The following MICAL3 variants were observed in gnomAD, a reference collection of about 807,000 sequenced individuals.
MICAL3 encodes the protein [F-actin]-monooxygenase MICAL3.
In MICAL3, 62 loss-of-function variants were observed where a neutral mutation model predicts 207.4. The observed-to-expected ratio is 0.30, with a 90% CI of 0.24 to 0.37. MICAL3 has a LOEUF of 0.37. Ranked by LOEUF, MICAL3 falls within the 10% of genes least tolerant of loss-of-function variation. The probability of loss-of-function intolerance (pLI) is 1.00; values close to 1 mark genes in which losing one functional copy is unlikely to be tolerated. For synonymous variants in MICAL3, 1,077 were observed against 1,069.3 expected (o/e 1.01, Z -0.14); for missense variants, 2,368 against 2,635.6 (o/e 0.90, Z 2.22).
chr22:17,806,925 C>T (rs926532781), intron 29 of MICAL3, among the ~76,000 whole-genome samples: 8 of 152,188 alleles, frequency 5.3e-5, no homozygotes, highest in Non-Finnish European at 8.8e-5. Flanking sequence ...TAACAGGGCC[C>T]GTGACAGGGG....
chr22:17,831,385 C>G (rs1242463934), intron 21 of MICAL3, among the ~76,000 whole-genome samples: 2 of 152,176 alleles, frequency 1.3e-5, no homozygotes, highest in Non-Finnish European at 2.9e-5. Flanking sequence ...CTTCAGGACA[C>G]TGTCCCCAAA....
chr22:17,793,473 G>C lies in MICAL3; in HGVS notation c.5651-2172C>G, dbSNP rs550904067. On this transcript the variant is annotated intron_variant, in intron 29 of 31. Coordinates refer to ENST00000441493, the MANE Select transcript of MICAL3 (RefSeq NM_015241.3). This position sits in a 1 kb window ranked among gnomAD's most constrained non-coding sequence, Gnocchi z 4.1. ...TTAAAGCCCCAGCCACGAAGGGCCA[G>C]CCAATGCTGCAGCCCTGAAGGACCC... Among the ~76,000 whole-genome samples the C allele has an allele frequency of 3.9e-5, 6 of 152,330 alleles. No individual in the cohort carries two copies. The South Asian group carries it at 1.2e-3, about 32-fold the overall frequency.
intron 1 of MICAL3, among the ~76,000 whole-genome samples, chr22:18,009,253 C>T (rs1923584816): frequency 6.9e-6 from 1 of 145,086 alleles, no homozygotes. Context: ...TCTTGAAAGT[C>T]TCTGGGAAAC....
chr22:17,936,189 A>G (rs538141166), intron 1 of MICAL3, among the ~76,000 whole-genome samples: 3 of 152,342 alleles, frequency 2.0e-5, no homozygotes, highest in South Asian at 4.1e-4. Context: ...ATGTCCATCA[A>G]TTATAGACTG....
intron 1 of MICAL3, among the ~76,000 whole-genome samples, chr22:17,970,277 T>C (rs1935342365): frequency 6.7e-6 from 1 of 149,114 alleles, no homozygotes; most frequent in Non-Finnish European, 1.5e-5. Context: ...GTTCTAAATC[T>C]GCCATTCCGT....
At chr22:17,797,022 CAAG>C (rs1445720861) in intron 29 of MICAL3, among the ~76,000 whole-genome samples, 1 of 152,122 alleles carries the variant, frequency 6.6e-6, no homozygotes, top group Non-Finnish European at 1.5e-5. Flanking sequence ...CACACTGCAT[CAAG>C]AAGACACCCG....
At chr22:18,019,657 TG>T in intron 1 of MICAL3, 1 of 153,212 alleles carries the variant, frequency 6.5e-6, no homozygotes, top group Non-Finnish European at 1.4e-5. Flanking sequence ...ATCGCGCCAT[TG>T]CACTCCAGCC....
chr22:17,950,088 C>G (rs1380594928), intron 1 of MICAL3, among the ~76,000 whole-genome samples: 1 of 151,896 alleles, frequency 6.6e-6, no homozygotes, highest in Admixed American at 6.5e-5. Context: ...AGAGAGGAAA[C>G]AGTGTTTCAG....
chr22:18,020,209 C>T (rs1924371219), intron 1 of MICAL3: 1 of 153,074 alleles, frequency 6.5e-6, no homozygotes, highest in African/African-American at 2.4e-5. Context: ...TATGATTCTA[C>T]TGCAAAACCT....
At chr22:17,918,936 T>G (rs1932709911) in intron 1 of MICAL3, among the ~76,000 whole-genome samples, 1 of 152,224 alleles carries the variant, frequency 6.6e-6, no homozygotes, top group African/African-American at 2.4e-5. Context: ...CTAATGCAGC[T>G]GACACATATA....
At position 17,817,863 on chromosome 22, in the gene MICAL3, T is replaced by G; in HGVS notation, c.4798A>C (p.Arg1600=). 1 of 1,612,352 alleles carries G rather than the reference T, an allele frequency of 6.2e-7. No homozygotes were observed. The highest frequency in any genetic ancestry group is 1.1e-5 in the South Asian group (1 of 91,062). ...GCCTGGCTCTTCACGGACTTCTCCC[T>G]GGCTCGCATGCGCTCCTCGGCCAAC... The part of the protein sequence containing the change: ...KELAEERMRA[R]EKSVKSQALR... Residue 1600 remains arginine, a synonymous_variant, in exon 26 of 32, where the codon AGG becomes CGG. Transcript: ENST00000441493.
At chr22:17,903,811 T>A (rs772336839) in intron 3 of MICAL3, among the ~76,000 whole-genome samples, 2 of 152,180 alleles carry the variant, frequency 1.3e-5, no homozygotes, top group Non-Finnish European at 2.9e-5. Context: ...AGCAAAAGGT[T>A]CCATGACTGA....
intron 1 of MICAL3, among the ~76,000 whole-genome samples, chr22:17,941,985 G>A (rs1003246850): frequency 5.9e-5 from 9 of 152,188 alleles, no homozygotes; most frequent in African/African-American, 4.8e-5. Flanking sequence ...TTACCTGCAC[G>A]TCAACCACCT....
At chr22:17,955,182 T>C (rs1905304535) in intron 1 of MICAL3, among the ~76,000 whole-genome samples, 1 of 152,138 alleles carries the variant, frequency 6.6e-6, no homozygotes, top group South Asian at 2.1e-4. Context: ...TCTCAGTAAA[T>C]GGTGGCTATT....
chr22:17,913,564 G>A (rs986740671), intron 1 of MICAL3, among the ~76,000 whole-genome samples: 11 of 152,148 alleles, frequency 7.2e-5, no homozygotes, highest in Non-Finnish European at 1.3e-4. Context: ...CTCATGACCA[G>A]CACTCTGCTT....
At chr22:17,844,396 A>G (rs1002046850) in intron 19 of MICAL3, among the ~76,000 whole-genome samples, 22 of 152,258 alleles carry the variant, frequency 1.4e-4, no homozygotes, top group African/African-American at 5.3e-4. Flanking sequence ...CAGGTTGTGC[A>G]CAAAGTGTTT....
At chr22:17,812,266 C>T (rs2062056864) in intron 27 of MICAL3, among the ~76,000 whole-genome samples, 1 of 152,208 alleles carries the variant, frequency 6.6e-6, no homozygotes, top group Admixed American at 6.5e-5. Flanking sequence ...CAGCTGTGTC[C>T]CGACCCGAGG....
At chr22:17,862,165 G>C in intron 19 of MICAL3, 2 of 985,212 alleles carry the variant, frequency 2.0e-6, no homozygotes, top group Non-Finnish European at 2.4e-6. Context: ...TACTGGTCGA[G>C]TGCACAGTAG....
rs1468260232 is a variant in MICAL3 at position 17,902,768 on chromosome 22, CGTT to C, written c.473-24_473-22del. The C allele has an allele frequency of 2.7e-6, 4 of 1,464,686 alleles. No homozygotes were observed. Among genetic ancestry groups the C allele is most frequent in the Non-Finnish European group, 3.8e-6 (4 of 1,060,618 alleles). The allele number at this position is 1,464,686 out of a possible 1,614,324, so 90.7% of individuals were successfully genotyped here. A position where few individuals can be genotyped will look rare whatever the true frequency, so the allele number is the denominator to read the frequency against. ...GATACCTGGGAGAATACAGAGATGA[CGTT>C]GATGGGAACACATGGAGAAGGGGGT... On this transcript the variant is annotated intron_variant, in intron 3 of 31. Coordinates refer to ENST00000441493, the MANE Select transcript of MICAL3 (RefSeq NM_015241.3). The surrounding 1 kb of genome is among the most constrained non-coding windows in gnomAD (Gnocchi z 4.5).
Sources: gnomAD v4.1 joint callset for allele counts (sites outside exome capture counted in the v4.1 genomes callset) on GRCh38, gnomAD v4.1.1 for gene constraint, Gnocchi (gnomAD v3.1) non-coding constraint, MANE v1.5 for transcripts, NCBI Gene and HGNC (gene_info 2026-07-23, HGNC 2026-07-21) for gene names.